SEMA6D: variants seen among roughly 807,000 people sequenced by gnomAD.
SEMA6D encodes the protein semaphorin-6D.
SEMA6D carries 35 observed loss-of-function variants against 106.6 expected under a neutral mutation model. The observed-to-expected ratio is 0.33, with a 90% CI of 0.25 to 0.44. The LOEUF (loss-of-function observed/expected upper bound fraction) is 0.44, where lower values mean the gene tolerates loss of function less well. Among genes scored for constraint, SEMA6D ranks in the 20% least tolerant of loss-of-function variants. The pLI is 1.00. For synonymous variants in SEMA6D, 499 were observed against 487.7 expected, an observed-to-expected ratio of 1.02 and a Z score of -0.31; for missense variants, 1,185 against 1,345.9, an observed-to-expected ratio of 0.88 and a Z score of 1.87.
chr15:47,265,135 T>C (rs1042719056), intron 1 of SEMA6D, among the ~76,000 whole-genome samples: 1 of 152,076 alleles, frequency 6.6e-6, no homozygotes, highest in Non-Finnish European at 1.5e-5. Flanking sequence ...AGGAGTTAGC[T>C]GGGATGTGTT....
chr15:47,318,047 T>C (rs1210335341), intron 1 of SEMA6D, among the ~76,000 whole-genome samples: 1 of 130,600 alleles, frequency 7.7e-6, no homozygotes, highest in African/African-American at 2.6e-5. Context: ...TTTTTAGAAA[T>C]TATGCACATC....
At chr15:47,373,383 C>A (rs1227836545) in intron 1 of SEMA6D, among the ~76,000 whole-genome samples, 3 of 152,106 alleles carry the variant, frequency 2.0e-5, no homozygotes, top group African/African-American at 4.8e-5. Flanking sequence ...TGCAATATAC[C>A]CCATATATGA....
chr15:47,565,528 A>G (rs1006719358), intron 3 of SEMA6D, among the ~76,000 whole-genome samples: 1 of 152,192 alleles, frequency 6.6e-6, no homozygotes, highest in Non-Finnish European at 1.5e-5. Flanking sequence ...CTTCTTCAAT[A>G]CTATTGAGAA....
intron 1 of SEMA6D, among the ~76,000 whole-genome samples, chr15:47,237,040 G>A (rs539485767): frequency 2.6e-5 from 4 of 152,186 alleles, no homozygotes; most frequent in Admixed American, 6.5e-5. Context: ...GATTATCACC[G>A]ACTTTTAGAA....
intron 1 of SEMA6D, among the ~76,000 whole-genome samples, chr15:47,324,288 T>C (rs2037040378): frequency 6.6e-6 from 1 of 152,224 alleles, no homozygotes; most frequent in Non-Finnish European, 1.5e-5. Context: ...TTTACAACTA[T>C]GGACCTACAA....
At chr15:47,278,419 A>G (rs2034941886) in intron 1 of SEMA6D, among the ~76,000 whole-genome samples, 1 of 152,068 alleles carries the variant, frequency 6.6e-6, no homozygotes, top group Non-Finnish European at 1.5e-5. Flanking sequence ...TTCTTTTGAG[A>G]AGTGTCTGTT....
intron 4 of SEMA6D, among the ~76,000 whole-genome samples, chr15:47,602,639 A>G: frequency 6.6e-6 from 1 of 151,968 alleles, no homozygotes; most frequent in African/African-American, 2.4e-5. Context: ...TGGAAAGGTT[A>G]CCCCAGCATC....
intron 4 of SEMA6D, among the ~76,000 whole-genome samples, chr15:47,680,959 G>T (rs1175799777): frequency 6.6e-6 from 1 of 152,174 alleles, no homozygotes; most frequent in East Asian, 1.9e-4. Flanking sequence ...AGGATTTAGG[G>T]AAATTGAAAC....
chr15:47,623,638 A>G (rs908468902), intron 4 of SEMA6D, among the ~76,000 whole-genome samples: 2 of 152,152 alleles, frequency 1.3e-5, no homozygotes, highest in Non-Finnish European at 2.9e-5. Context: ...TTCTCCCATA[A>G]TAGAATGGTA....
chr15:47,718,425 C>G (rs1479210906), intron 1 of SEMA6D: 1 of 152,348 alleles, frequency 6.6e-6, no homozygotes, highest in South Asian at 2.1e-4. Flanking sequence ...CGGGTAGTGC[C>G]TGCCGGCGAG....
At chr15:47,698,412 C>T (rs900792393) in intron 4 of SEMA6D, among the ~76,000 whole-genome samples, 1 of 152,164 alleles carries the variant, frequency 6.6e-6, no homozygotes, top group Non-Finnish European at 1.5e-5. Context: ...TGCAAAACCT[C>T]TGGCAATAAA....
intron 1 of SEMA6D, among the ~76,000 whole-genome samples, chr15:47,246,610 T>C (rs1301098944): frequency 6.6e-6 from 1 of 152,206 alleles, no homozygotes; most frequent in Non-Finnish European, 1.5e-5. Context: ...AGCAATGCAA[T>C]AGAGTTGAGT....
intron 1 of SEMA6D, among the ~76,000 whole-genome samples, chr15:47,392,008 A>C (rs953225435): frequency 1.3e-5 from 2 of 152,004 alleles, no homozygotes; most frequent in African/African-American, 4.8e-5. Flanking sequence ...CCCCTTTGCC[A>C]TCCTTCTCTA....
At chr15:47,312,159 T>TTTTC (rs1555420712) in intron 1 of SEMA6D, among the ~76,000 whole-genome samples, 21 of 150,606 alleles carry the variant, frequency 1.4e-4, no homozygotes, top group South Asian at 2.1e-4. Context: ...TTTTTTTTTT[T>TTTTC]CCCCATTACC....
chr15:47,523,836 C>T (rs2044665637), intron 3 of SEMA6D, among the ~76,000 whole-genome samples: 1 of 152,154 alleles, frequency 6.6e-6, no homozygotes, highest in Non-Finnish European at 1.5e-5. Flanking sequence ...TTCATTTGGA[C>T]ATTTGTGGTT....
In SEMA6D at chr15:47,764,621, C is replaced by T. The variant is rs371713237; in HGVS notation, c.1098-17C>T. 1.2e-5 allele frequency: 19 copies of T among 1,612,994 alleles called. No homozygotes were observed. Among genetic ancestry groups the T allele is most frequent in the East Asian group, 1.1e-4 (5 of 44,878 alleles). On this transcript the variant is annotated splice_polypyrimidine_tract_variant and intron_variant, in intron 11 of 18. Coordinates refer to ENST00000536845, the MANE Select transcript of SEMA6D (RefSeq NM_001358351.3). ...AGGGGCAGCCGAGAGCATAAAATAA[C>T]GCTGTTTTCCTTTCAGGCCTGGCTG...
At chr15:47,703,859 G>GCTT (rs1023246154) in intron 4 of SEMA6D, among the ~76,000 whole-genome samples, 4 of 152,094 alleles carry the variant, frequency 2.6e-5, no homozygotes, top group African/African-American at 9.7e-5. Context: ...GTTTTACAAG[G>GCTT]CTTCAGATTT....
chr15:47,633,763 G>A (rs555172074), intron 4 of SEMA6D, among the ~76,000 whole-genome samples: 2 of 152,206 alleles, frequency 1.3e-5, no homozygotes, highest in East Asian at 1.9e-4. Context: ...AGATACAAAC[G>A]ATAACTCTTT....
intron 1 of SEMA6D, among the ~76,000 whole-genome samples, chr15:47,405,944 T>C (rs934234726): frequency 2.0e-5 from 3 of 152,202 alleles, no homozygotes; most frequent in African/African-American, 7.2e-5. Flanking sequence ...CAGAGCCACA[T>C]GCCCTACAGC....
Sources: allele counts gnomAD v4.1 joint callset (sites outside exome capture counted in the v4.1 genomes callset), GRCh38; gene constraint gnomAD v4.1.1; transcripts MANE v1.5; gene names NCBI Gene and HGNC (gene_info 2026-07-23, HGNC 2026-07-21).